ROBO2: variants seen among roughly 807,000 people sequenced by gnomAD.
ROBO2 encodes the protein roundabout homolog 2.
ROBO2 carries 53 observed loss-of-function variants against 160.8 expected under a neutral mutation model. The ratio of observed to expected loss-of-function variants is 0.33; its 90% CI spans 0.26 to 0.41. ROBO2 has a LOEUF of 0.41. Among genes scored for constraint, ROBO2 ranks in the 10% least tolerant of loss-of-function variants. The pLI, the probability that ROBO2 is intolerant of heterozygous loss-of-function variation, is 1.00. For synonymous variants in ROBO2, 664 were observed against 611.7 expected (o/e 1.09, Z -1.26); for missense variants, 1,577 against 1,722.4 (o/e 0.92, Z 1.49).
intron 2 of ROBO2, among the ~76,000 whole-genome samples, chr3:76,182,127 G>A (rs1701536694): frequency 6.6e-6 from 1 of 152,242 alleles, no homozygotes; most frequent in Admixed American, 6.5e-5. Context: ...CAGCCTAGAC[G>A]CTGAATTAAT....
At chr3:76,832,619 G>C (rs1319768201) in intron 2 of ROBO2, among the ~76,000 whole-genome samples, 1 of 152,088 alleles carries the variant, frequency 6.6e-6, no homozygotes, top group Non-Finnish European at 1.5e-5. Flanking sequence ...CTGAAGGGTG[G>C]TATAATTTAG....
intron 2 of ROBO2, among the ~76,000 whole-genome samples, chr3:76,460,404 G>A (rs1442445995): frequency 6.6e-6 from 1 of 152,126 alleles, no homozygotes. Context: ...GGCTGGGCAT[G>A]GTGACTCACT....
chr3:76,152,145 T>A (rs1028062127), intron 2 of ROBO2, among the ~76,000 whole-genome samples: 2 of 152,166 alleles, frequency 1.3e-5, no homozygotes, highest in African/African-American at 4.8e-5. Context: ...TTAATGCACT[T>A]CCAGGGTTAT....
At chr3:77,105,431 G>A (rs2072661324) in intron 2 of ROBO2, among the ~76,000 whole-genome samples, 1 of 152,112 alleles carries the variant, frequency 6.6e-6, no homozygotes, top group Non-Finnish European at 1.5e-5. Context: ...GGTAGGGGAG[G>A]AGGATACTTA....
At chr3:76,457,551 G>A (rs757403923) in intron 2 of ROBO2, among the ~76,000 whole-genome samples, 6 of 152,030 alleles carry the variant, frequency 3.9e-5, no homozygotes, top group East Asian at 3.9e-4. Flanking sequence ...GCAAGCTGTC[G>A]GTGGATCTGC....
Position 77,479,060 on chromosome 3 carries a change from G to A in ROBO2, c.546+1489G>A, listed in dbSNP as rs929674301. Among the ~76,000 whole-genome samples, 3 of 152,152 alleles carry A rather than the reference G, an allele frequency of 2.0e-5. No homozygotes were observed. In the East Asian group the frequency reaches 5.8e-4, roughly 29 times the overall value. ...TTAATTACCCTCTTCATAGGATAGAGGGAAGTGGGAATAGTAGGTGATTTT... is the reference window on the plus strand; with the variant it reads ...TTAATTACCCTCTTCATAGGATAGAAGGAAGTGGGAATAGTAGGTGATTTT... On this transcript the variant is annotated intron_variant, in intron 3 of 25. Coordinates refer to ENST00000461745, the Ensembl canonical transcript of ROBO2.
chr3:76,331,965 T>G (rs1433040740), intron 2 of ROBO2, among the ~76,000 whole-genome samples: 1 of 151,932 alleles, frequency 6.6e-6, no homozygotes, highest in Non-Finnish European at 1.5e-5. Flanking sequence ...ATTACAGGAG[T>G]GAGCCACTGC....
intron 2 of ROBO2, among the ~76,000 whole-genome samples, chr3:76,961,770 T>C (rs1049888068): frequency 6.6e-6 from 1 of 152,206 alleles, no homozygotes; most frequent in African/African-American, 2.4e-5. Flanking sequence ...TCAGTACAAA[T>C]ATACAATTAA....
At chr3:77,384,662 T>G (rs2073912440) in intron 2 of ROBO2, among the ~76,000 whole-genome samples, 1 of 152,218 alleles carries the variant, frequency 6.6e-6, no homozygotes, top group Admixed American at 6.5e-5. Context: ...ATGAACGTCA[T>G]TTTAACAAAT....
chr3:77,566,559 C>A (rs1254338974), intron 12 of ROBO2, among the ~76,000 whole-genome samples: 1 of 151,984 alleles, frequency 6.6e-6, no homozygotes, highest in African/African-American at 2.4e-5. Context: ...TTGTGTGTAG[C>A]CAGTGAAACG....
intron 2 of ROBO2, among the ~76,000 whole-genome samples, chr3:76,307,555 T>G (rs1022535532): frequency 1.6e-4 from 24 of 152,122 alleles, no homozygotes; most frequent in Non-Finnish European, 2.4e-4. Context: ...ACCTCTGTGC[T>G]GCTGCCAGTA....
chr3:76,670,382 AG>A (rs2092221475), intron 2 of ROBO2, among the ~76,000 whole-genome samples: 1 of 152,022 alleles, frequency 6.6e-6, no homozygotes, highest in African/African-American at 2.4e-5. Flanking sequence ...TGCCAGAAAA[AG>A]GTCAAATTAT....
chr3:77,434,669 G>C (rs2079108383), intron 2 of ROBO2, among the ~76,000 whole-genome samples: 1 of 152,008 alleles, frequency 6.6e-6, no homozygotes, highest in Non-Finnish European at 1.5e-5. Context: ...TTGCTCTCCT[G>C]GTTCCCCATT....
chr3:76,273,458 G>C (rs1319741362), intron 2 of ROBO2, among the ~76,000 whole-genome samples: 2 of 151,880 alleles, frequency 1.3e-5, no homozygotes, highest in Admixed American at 1.3e-4. Flanking sequence ...CCCGAGACTG[G>C]GTAATTTATA....
rs1038836447 is a variant in ROBO2 at position 76,680,162 on chromosome 3, A to T, written c.110-417852A>T. Among the ~76,000 whole-genome samples, 6 of 152,234 alleles carry T rather than the reference A, an allele frequency of 3.9e-5. No homozygotes were observed. The South Asian group carries it at 1.0e-3, about 26-fold the overall frequency. On this transcript the variant is annotated intron_variant, in intron 2 of 26. Coordinates refer to the ROBO2 transcript ENST00000487694. ...TCTTTACGTGAAACAAATCTATTGG[A>T]CTTGAAATTTTATAGGAAACTTGGT...
At chr3:77,380,540 T>A (rs1441971616) in intron 2 of ROBO2, among the ~76,000 whole-genome samples, 1 of 150,388 alleles carries the variant, frequency 6.6e-6, no homozygotes. Flanking sequence ...AAAGACGGGA[T>A]TTTTTTTAGA....
chr3:77,564,789 T>C (rs2093431157), intron 11 of ROBO2, among the ~76,000 whole-genome samples, 165 bp from the exon 13 acceptor site: 1 of 152,080 alleles, frequency 6.6e-6, no homozygotes. Context: ...GTGGAATAAA[T>C]TGAAATCATC....
At chr3:77,550,242 C>T (rs1054728426) in intron 7 of ROBO2, among the ~76,000 whole-genome samples, 3 of 151,962 alleles carry the variant, frequency 2.0e-5, no homozygotes, top group Admixed American at 1.3e-4. Flanking sequence ...TAAATTGTAG[C>T]ATTTGTTTAT....
chr3:76,802,387 C>T (rs934972115), intron 2 of ROBO2, among the ~76,000 whole-genome samples: 8 of 152,090 alleles, frequency 5.3e-5, no homozygotes, highest in African/African-American at 1.9e-4. Context: ...TAGTACCTGG[C>T]CTTCCAGCAT....
Sources: allele counts gnomAD v4.1 joint callset (sites outside exome capture counted in the v4.1 genomes callset), GRCh38; gene constraint gnomAD v4.1.1; transcripts MANE v1.5; gene names NCBI Gene and HGNC (gene_info 2026-07-23, HGNC 2026-07-21).